The following CACNA1C variants were observed in gnomAD, a reference collection of about 807,000 sequenced individuals.
The protein encoded by CACNA1C is calcium voltage-gated channel subunit alpha1 C.
CACNA1C carries 30 observed loss-of-function variants against 229.0 expected under a neutral mutation model. That is an observed-to-expected ratio of 0.13 (90% CI 0.10 to 0.18). The LOEUF is 0.18. Among genes scored for constraint, CACNA1C ranks in the 10% least tolerant of loss-of-function variants. The pLI, the probability that CACNA1C is intolerant of heterozygous loss-of-function variation, is 1.00. For missense variants in CACNA1C, 1,658 were observed against 2,845.0 expected (o/e 0.58, Z 9.49); for synonymous variants, 1,114 against 1,132.5 (o/e 0.98, Z 0.33).
intron 3 of CACNA1C, among the ~76,000 whole-genome samples, chr12:2,246,925 T>TA (rs2073554929): frequency 6.6e-6 from 1 of 152,094 alleles, no homozygotes; most frequent in South Asian, 2.1e-4. Flanking sequence ...TCTCCCCACT[T>TA]CTCCATCCCC....
chr12:2,246,460 C>T (rs185818177), intron 3 of CACNA1C, among the ~76,000 whole-genome samples: 1 of 152,196 alleles, frequency 6.6e-6, no homozygotes, highest in African/African-American at 2.4e-5. Context: ...CCATGCCTCC[C>T]TGCCTGAAAC....
chr12:2,135,742 A>G (rs190059173), intron 3 of CACNA1C, among the ~76,000 whole-genome samples: 5,661 of 140,182 alleles, frequency 0.04, 348 homozygotes, highest in Non-Finnish European at 0.043. Context: ...AGTCTGCAGA[A>G]GTTACTGCTG....
chr12:2,286,463 AGTAAGGACCCT>A (rs1395430562), intron 3 of CACNA1C, among the ~76,000 whole-genome samples: 1 of 152,234 alleles, frequency 6.6e-6, no homozygotes, highest in Non-Finnish European at 1.5e-5. Context: ...GGCTCTGCAC[AGTAAGGACCCT>A]GTGGGAAGAT....
At chr12:2,178,172 G>A (rs1160828747) in intron 3 of CACNA1C, among the ~76,000 whole-genome samples, 1 of 152,232 alleles carries the variant, frequency 6.6e-6, no homozygotes, top group African/African-American at 2.4e-5. Context: ...AAGGAAAGTT[G>A]CTTGCTGGGG....
At chr12:2,239,570 T>A (rs544785584) in intron 3 of CACNA1C, among the ~76,000 whole-genome samples, 3 of 152,078 alleles carry the variant, frequency 2.0e-5, no homozygotes, top group African/African-American at 7.2e-5. Flanking sequence ...GGAGATTCTA[T>A]CCCGACAGTC....
chr12:2,022,054 G>A (rs1033798575), intron 1 of CACNA1C, among the ~76,000 whole-genome samples: 4 of 152,194 alleles, frequency 2.6e-5, no homozygotes, highest in African/African-American at 7.2e-5. Context: ...CACTGTCTAG[G>A]TGGAGTTGGC....
At chr12:2,190,712 C>T (rs1212150327) in intron 3 of CACNA1C, among the ~76,000 whole-genome samples, 1 of 152,194 alleles carries the variant, frequency 6.6e-6, no homozygotes, top group Non-Finnish European at 1.5e-5. Flanking sequence ...AGCCTGTCTG[C>T]TGTAGCAAGT....
rs1482766265 is a variant in CACNA1C at position 2,677,052 on chromosome 12, C to T, written c.4829-42C>T. On this transcript the variant is annotated intron_variant, in intron 39 of 46. Coordinates refer to ENST00000399655, the MANE Select transcript of CACNA1C (RefSeq NM_000719.7). The surrounding 1 kb of genome is among the most constrained non-coding windows in gnomAD (Gnocchi z 7.4). ...ATGAATGAAGTTCAACTGAATTCCC[C>T]TGCTCCCCTCTTACCCCCTCTCCCC... 5 of 1,570,262 alleles carry T rather than the reference C, an allele frequency of 3.2e-6. No individual in the cohort carries two copies. The highest frequency in any genetic ancestry group is 4.4e-6 in the Non-Finnish European group (5 of 1,145,828).
intron 3 of CACNA1C, among the ~76,000 whole-genome samples, chr12:2,260,945 T>C (rs1408890448): frequency 1.3e-5 from 2 of 152,074 alleles, no homozygotes; most frequent in African/African-American, 4.8e-5. Flanking sequence ...AAAAAACCGA[T>C]TGTGGCCAGG....
Position 2,467,858 on chromosome 12 carries a change from C to T in CACNA1C, c.757+10152C>T, listed in dbSNP as rs141482299. On this transcript the variant is annotated intron_variant, in intron 5 of 46. Coordinates refer to ENST00000399655, the MANE Select transcript of CACNA1C (RefSeq NM_000719.7). This position sits in a 1 kb window ranked among gnomAD's most constrained non-coding sequence, Gnocchi z 4.6. ...CTCAAGGCCCACTCAGAGTCCCGACCCTGCTGCGACTTCTCTGTTGCCCTG... is the reference window on the plus strand; with the variant it reads ...CTCAAGGCCCACTCAGAGTCCCGACTCTGCTGCGACTTCTCTGTTGCCCTG... Among the ~76,000 whole-genome samples, 2 of 152,328 alleles carry T rather than the reference C, an allele frequency of 1.3e-5. No individual in the cohort carries two copies. The highest frequency in any genetic ancestry group is 4.8e-5 in the African/African-American group (2 of 41,580).
intron 44 of CACNA1C, 81 bp from the exon 45 acceptor site, chr12:2,686,085 G>C (rs2097459194): frequency 1.7e-6 from 2 of 1,147,942 alleles, no homozygotes; most frequent in Admixed American, 1.7e-5. Context: ...ACTGCTCCTG[G>C]CACCCCACCA....
rs142889142 is a variant in CACNA1C at position 2,273,161 on chromosome 12, A to G, written c.477+152731A>G. Among the ~76,000 whole-genome samples, 22 of 152,352 alleles carry G rather than the reference A, an allele frequency of 1.4e-4. No individual in the cohort carries two copies. In the East Asian group the frequency reaches 3.9e-3, roughly 27 times the overall value. ...TACTCAAGTCCCTTGCATAAAATGC[A>G]TAGTGTTTTCATATAACCTATGCAC... is the stretch of plus-strand genomic sequence containing the variant. On this transcript the variant is annotated intron_variant, in intron 3 of 46. Coordinates refer to ENST00000399655, the MANE Select transcript of CACNA1C (RefSeq NM_000719.7).
chr12:2,123,934 C>T (rs1421600339), intron 3 of CACNA1C, among the ~76,000 whole-genome samples: 1 of 152,094 alleles, frequency 6.6e-6, no homozygotes, highest in Non-Finnish European at 1.5e-5. Context: ...TAGGAGAGCA[C>T]CTTAGTAAGG....
intron 1 of CACNA1C, among the ~76,000 whole-genome samples, chr12:2,055,690 G>T (rs771657845): frequency 3.3e-5 from 5 of 152,196 alleles, no homozygotes; most frequent in African/African-American, 4.8e-5. Flanking sequence ...GCCAGCAAAC[G>T]CTATGGCAAC....
intron 3 of CACNA1C, among the ~76,000 whole-genome samples, chr12:2,433,004 T>G (rs190800283): frequency 9.9e-4 from 150 of 152,266 alleles, no homozygotes; most frequent in African/African-American, 3.4e-3. Flanking sequence ...GCAGCGACAG[T>G]CCCCTTCCAC....
At chr12:2,648,664 T>C (rs1048831304) in intron 31 of CACNA1C, among the ~76,000 whole-genome samples, 157 bp downstream of exon 31, 3 of 152,086 alleles carry the variant, frequency 2.0e-5, no homozygotes, top group African/African-American at 7.2e-5. Flanking sequence ...CCTGTTCCCT[T>C]CTCGTGTGAG....
Position 2,653,244 on chromosome 12 carries a change from A to T in CACNA1C, c.4075-591A>T, listed in dbSNP as rs541477641. Among the ~76,000 whole-genome samples the T allele has an allele frequency of 1.3e-5, 2 of 152,358 alleles. No individual in the cohort carries two copies. Among genetic ancestry groups the T allele is most frequent in the African/African-American group, 4.8e-5 (2 of 41,582 alleles). Reference sequence around the variant, plus strand: ...AACCACAAAACCGCTGAGAGGTATTATTATTGTTTCCATTTTTCTGATGAG... The same window carrying T: ...AACCACAAAACCGCTGAGAGGTATTTTTATTGTTTCCATTTTTCTGATGAG... On this transcript the variant is annotated intron_variant, in intron 32 of 46. Transcript: ENST00000399655. The surrounding 1 kb of genome is among the most constrained non-coding windows in gnomAD (Gnocchi z 4.7).
At position 2,595,843 on chromosome 12, in the gene CACNA1C, T is replaced by C; in HGVS notation, c.2664-31T>C. The stretch of plus-strand genomic sequence containing the variant: ...GTGCTTCCCCTTGTCTGCCTTGACT[T>C]GTCTCTCCTCCTGTCCCCTCTCCCG... On this transcript the variant is annotated intron_variant, in intron 19 of 46. Transcript: ENST00000399655. This position sits in a 1 kb window ranked among gnomAD's most constrained non-coding sequence, Gnocchi z 4.1. 6.2e-7 allele frequency: 1 copy of C among 1,606,554 alleles called. No individual in the cohort carries two copies.
intron 29 of CACNA1C, among the ~76,000 whole-genome samples, chr12:2,615,396 A>C (rs1238312771): frequency 6.6e-6 from 1 of 152,272 alleles, no homozygotes; most frequent in Non-Finnish European, 1.5e-5. Context: ...GAAATGGCTA[A>C]GATCTCTACA....
Sources: allele counts gnomAD v4.1 joint callset (sites outside exome capture counted in the v4.1 genomes callset), GRCh38; gene constraint gnomAD v4.1.1; non-coding constraint Gnocchi (gnomAD v3.1); transcripts MANE v1.5; gene names NCBI Gene and HGNC (gene_info 2026-07-23, HGNC 2026-07-21).